Variants in CTNND2 observed in about 807,000 individuals in gnomAD.
CTNND2 encodes the protein catenin delta-2.
In CTNND2, 22 loss-of-function variants were observed where a neutral mutation model predicts 144.4. The observed-to-expected ratio is 0.15, with a 90% CI of 0.11 to 0.22. CTNND2 has a LOEUF of 0.22. Among genes scored for constraint, CTNND2 ranks in the 10% least tolerant of loss-of-function variants. The pLI is 1.00. For synonymous variants in CTNND2, 751 were observed against 695.6 expected, an observed-to-expected ratio of 1.08 and a Z score of -1.25; for missense variants, 1,353 against 1,618.8, an observed-to-expected ratio of 0.84 and a Z score of 2.82.
chr5:11,395,040 G>A (rs1468859642), intron 6 of CTNND2, among the ~76,000 whole-genome samples: 5 of 152,052 alleles, frequency 3.3e-5, no homozygotes, highest in African/African-American at 1.2e-4. Flanking sequence ...AATTAACCTC[G>A]GCTTGAAGGA....
At chr5:11,586,966 A>T (rs1778910848) in intron 2 of CTNND2, among the ~76,000 whole-genome samples, 1 of 152,204 alleles carries the variant, frequency 6.6e-6, no homozygotes. Context: ...GTTCAAATTT[A>T]AAATATTTAT....
intron 8 of CTNND2, among the ~76,000 whole-genome samples, chr5:11,348,453 A>AAG (rs1755020084): frequency 6.8e-6 from 1 of 147,624 alleles, no homozygotes; most frequent in African/African-American, 2.4e-5. Context: ...AAAAAAAAAA[A>AAG]AAAGAAAAAA....
intron 1 of CTNND2, among the ~76,000 whole-genome samples, chr5:11,774,879 C>T (rs1470537629): frequency 3.9e-5 from 6 of 152,126 alleles, no homozygotes; most frequent in East Asian, 1.9e-4. Flanking sequence ...TAACAACTAA[C>T]GTCAAATACT....
At chr5:11,342,330 AG>A (rs1354504047) in intron 9 of CTNND2, among the ~76,000 whole-genome samples, 1 of 152,360 alleles carries the variant, frequency 6.6e-6, no homozygotes, top group African/African-American at 2.4e-5. Context: ...TCATACTCTT[AG>A]TCAAATTTTG....
chr5:11,830,753 T>C (rs1488762838), intron 1 of CTNND2, among the ~76,000 whole-genome samples: 6 of 152,150 alleles, frequency 3.9e-5, no homozygotes, highest in African/African-American at 1.4e-4. Context: ...CTGGGAACCC[T>C]GCAAGGAGCT....
rs572307455 is a variant in CTNND2, at chr5:11,857,985, T to C, written c.37+45832A>G. Reference sequence around the variant, plus strand: ...AAACTGTGGGTTCCTTAGGGGCCTGTAGCTAATCTGGTACTCCTTATGGCA... The same window carrying C: ...AAACTGTGGGTTCCTTAGGGGCCTGCAGCTAATCTGGTACTCCTTATGGCA... On this transcript the variant is annotated intron_variant, in intron 1 of 21. Coordinates refer to ENST00000304623, the MANE Select transcript of CTNND2 (RefSeq NM_001332.4). Among the ~76,000 whole-genome samples the C allele has an allele frequency of 7.9e-5, 12 of 152,296 alleles. No individual in the cohort carries two copies. The East Asian group carries it at 2.3e-3, about 29-fold the overall frequency.
At chr5:11,298,810 A>G (rs1320554214) in intron 9 of CTNND2, among the ~76,000 whole-genome samples, 2 of 152,214 alleles carry the variant, frequency 1.3e-5, no homozygotes, top group Non-Finnish European at 2.9e-5. Flanking sequence ...AGCAAGTTAC[A>G]TATGTCGGTT....
At chr5:11,454,478 G>T (rs1329625819) in intron 3 of CTNND2, among the ~76,000 whole-genome samples, 1 of 152,014 alleles carries the variant, frequency 6.6e-6, no homozygotes, top group Non-Finnish European at 1.5e-5. Context: ...ATTTGTATAT[G>T]TTCAAAAACA....
chr5:11,472,500 T>C lies in CTNND2; in HGVS notation c.288-60431A>G, dbSNP rs150626681. On this transcript the variant is annotated intron_variant, in intron 3 of 21. Coordinates refer to ENST00000304623, the MANE Select transcript of CTNND2 (RefSeq NM_001332.4). ...ATTAATTGCCTTTAAATTTGAATTTTATTAAATCTATGAGTGTATTTGGGG... is the reference window on the plus strand; with the variant it reads ...ATTAATTGCCTTTAAATTTGAATTTCATTAAATCTATGAGTGTATTTGGGG... Among the ~76,000 whole-genome samples the C allele has an allele frequency of 2.8e-3, 425 of 152,312 alleles. 7 individuals carry two copies. In the East Asian group the frequency reaches 0.042, roughly 15 times the overall value.
At chr5:11,443,942 T>C (rs982663140) in intron 3 of CTNND2, among the ~76,000 whole-genome samples, 14 of 152,232 alleles carry the variant, frequency 9.2e-5, no homozygotes, top group African/African-American at 3.4e-4. Context: ...TGACACCAAC[T>C]GTTATTTGGC....
At chr5:11,508,093 G>C (rs1771251031) in intron 3 of CTNND2, among the ~76,000 whole-genome samples, 1 of 151,922 alleles carries the variant, frequency 6.6e-6, no homozygotes, top group Non-Finnish European at 1.5e-5. Flanking sequence ...TGTTACGGTT[G>C]TTAGGATTTG....
At chr5:11,099,805 A>C (rs1216130497) in intron 14 of CTNND2, among the ~76,000 whole-genome samples, 1 of 152,212 alleles carries the variant, frequency 6.6e-6, no homozygotes, top group Non-Finnish European at 1.5e-5. Flanking sequence ...TTTAGAAAAA[A>C]ATACACATAT....
At chr5:11,801,691 A>T (rs1011602520) in intron 1 of CTNND2, among the ~76,000 whole-genome samples, 1 of 152,138 alleles carries the variant, frequency 6.6e-6, no homozygotes, top group African/African-American at 2.4e-5. Context: ...TGGAACTGGA[A>T]ATTTTACTCT....
intron 3 of CTNND2, among the ~76,000 whole-genome samples, chr5:11,427,436 C>T (rs1201370067): frequency 1.3e-5 from 2 of 151,832 alleles, no homozygotes; most frequent in African/African-American, 2.4e-5. Flanking sequence ...CACTGCCATG[C>T]CCGGCTAATT....
chr5:11,608,564 C>T (rs1039038559), intron 2 of CTNND2, among the ~76,000 whole-genome samples: 3 of 152,110 alleles, frequency 2.0e-5, no homozygotes, highest in Non-Finnish European at 4.4e-5. Flanking sequence ...CACACAAATA[C>T]ATCAGCAAGT....
At chr5:11,696,588 T>C (rs1483042942) in intron 2 of CTNND2, among the ~76,000 whole-genome samples, 3 of 152,208 alleles carry the variant, frequency 2.0e-5, no homozygotes, top group African/African-American at 7.2e-5. Context: ...TTAGAATGAG[T>C]TTCCATGGGT....
At chr5:11,027,158 G>A (rs529215533) in intron 16 of CTNND2, 2 of 152,242 alleles carry the variant, frequency 1.3e-5, no homozygotes, top group South Asian at 2.1e-4. Context: ...TGCTACCAAC[G>A]ATCCACTATC....
chr5:11,498,234 C>T (rs1460600270), intron 3 of CTNND2, among the ~76,000 whole-genome samples: 1 of 152,006 alleles, frequency 6.6e-6, no homozygotes, highest in African/African-American at 2.4e-5. Flanking sequence ...ATCACTCTCC[C>T]CCACCCCCTC....
intron 12 of CTNND2, among the ~76,000 whole-genome samples, chr5:11,120,425 T>A (rs1283065195): frequency 6.6e-6 from 1 of 151,984 alleles, no homozygotes; most frequent in Non-Finnish European, 1.5e-5. Flanking sequence ...AAGAGGGGGT[T>A]ATCATACTGT....
Sources: allele counts gnomAD v4.1 joint callset (sites outside exome capture counted in the v4.1 genomes callset), GRCh38; gene constraint gnomAD v4.1.1; transcripts MANE v1.5; gene names NCBI Gene and HGNC (gene_info 2026-07-23, HGNC 2026-07-21).